Variants in MTHFD1L observed in about 807,000 individuals in gnomAD.
MTHFD1L encodes the protein monofunctional C1-tetrahydrofolate synthase, mitochondrial.
A neutral mutation model predicts 119.5 loss-of-function variants in MTHFD1L; 81 were observed. The observed-to-expected ratio is 0.68, with a 90% confidence interval of 0.57 to 0.82. MTHFD1L has a LOEUF of 0.82. Ranked by LOEUF, MTHFD1L falls within the 40% of genes least tolerant of loss-of-function variation. The pLI, the probability that MTHFD1L is intolerant of heterozygous loss-of-function variation, is 0.00. For synonymous variants in MTHFD1L, 430 were observed against 475.2 expected (o/e 0.90, Z 1.24); for missense variants, 1,125 against 1,253.4 (o/e 0.90, Z 1.55).
intron 12 of MTHFD1L, 143 bp downstream of exon 12, chr6:150,937,083 T>A: frequency 5.7e-6 from 6 of 1,052,040 alleles, no homozygotes; most frequent in South Asian, 3.8e-5. Context: ...TACATAGTGG[T>A]CGCCCCATGT....
At chr6:151,053,341 A>G (rs1296880741) in intron 26 of MTHFD1L, among the ~76,000 whole-genome samples, 1 of 152,204 alleles carries the variant, frequency 6.6e-6, no homozygotes, top group East Asian at 1.9e-4. Context: ...AATCACAATG[A>G]TAAGTGAAAA....
intron 20 of MTHFD1L, among the ~76,000 whole-genome samples, chr6:151,000,456 AT>A (rs1236880522): frequency 6.6e-6 from 1 of 152,206 alleles, no homozygotes; most frequent in Non-Finnish European, 1.5e-5. Context: ...AAGATATTTA[AT>A]AAAACTAAAC....
chr6:150,900,354 ATGG>A (rs1244722293), intron 7 of MTHFD1L, among the ~76,000 whole-genome samples: 2 of 152,108 alleles, frequency 1.3e-5, no homozygotes, highest in African/African-American at 4.8e-5. Flanking sequence ...CCACCAGGAC[ATGG>A]TGGTCTCCAT....
In MTHFD1L at chr6:151,057,137, T is replaced by G. The variant is rs1309057816; in HGVS notation, c.2847+20020T>G. 12 of 949,976 alleles carry G rather than the reference T, an allele frequency of 1.3e-5. 1 individual carries two copies. The South Asian group carries it at 5.8e-4, about 46-fold the overall frequency. The allele number at this position is 949,976 out of a possible 1,614,324, so 58.8% of individuals were successfully genotyped here. A position where few individuals can be genotyped will look rare whatever the true frequency, so the allele number is the denominator to read the frequency against. Reference sequence around the variant, plus strand: ...TCAGCTCTGGTAATTGTAGGCTTGCTGGACCCAGTGCCTGCCTTCTAACTG... The same window carrying G: ...TCAGCTCTGGTAATTGTAGGCTTGCGGGACCCAGTGCCTGCCTTCTAACTG... On this transcript the variant is annotated intron_variant, in intron 26 of 27. Transcript: ENST00000367321.
chr6:150,920,253 C>T (rs1706765130), intron 9 of MTHFD1L, among the ~76,000 whole-genome samples: 1 of 152,196 alleles, frequency 6.6e-6, no homozygotes, highest in Admixed American at 6.5e-5. Context: ...GTCCTCACTT[C>T]TTCAAGACAG....
intron 26 of MTHFD1L, among the ~76,000 whole-genome samples, chr6:151,044,016 G>T (rs1400302341): frequency 1.3e-5 from 2 of 152,220 alleles, no homozygotes; most frequent in African/African-American, 2.4e-5. Flanking sequence ...CATCTACAAG[G>T]AATGAAACTA....
At chr6:150,866,256 C>A in intron 1 of MTHFD1L, 2 of 1,434,014 alleles carry the variant, frequency 1.4e-6, no homozygotes, top group Non-Finnish European at 1.8e-6. Flanking sequence ...GATCCAGTAC[C>A]CGACCGGGCC....
intron 11 of MTHFD1L, among the ~76,000 whole-genome samples, chr6:150,933,989 C>T (rs1253468208): frequency 6.6e-6 from 1 of 152,196 alleles, no homozygotes; most frequent in East Asian, 1.9e-4. Context: ...TCATTACAAG[C>T]AAATGTGCTT....
intron 24 of MTHFD1L, among the ~76,000 whole-genome samples, chr6:151,028,366 C>T (rs1456216906): frequency 2.0e-5 from 3 of 152,160 alleles, no homozygotes; most frequent in Non-Finnish European, 2.9e-5. Flanking sequence ...CAAGCAGGTA[C>T]TCATGCAGCC....
chr6:150,943,153 C>A (rs564418976), intron 13 of MTHFD1L, among the ~76,000 whole-genome samples: 1 of 152,074 alleles, frequency 6.6e-6, no homozygotes, highest in East Asian at 1.9e-4. Flanking sequence ...TGGTGGCAGG[C>A]GCCTATAGTC....
intron 26 of MTHFD1L, among the ~76,000 whole-genome samples, chr6:151,070,539 C>T (rs920751708): frequency 1.3e-5 from 2 of 152,162 alleles, no homozygotes; most frequent in African/African-American, 4.8e-5. Context: ...TCTTTGAGAA[C>T]AGAGGTCAAC....
intron 7 of MTHFD1L, among the ~76,000 whole-genome samples, chr6:150,903,203 A>ATTTTTTTTTTT (rs774695918): frequency 2.3e-5 from 2 of 85,474 alleles, no homozygotes; most frequent in African/African-American, 1.0e-4. Context: ...TGGCTGCAAA[A>ATTTTTTTTTTT]TTTTTTTTTT....
At chr6:150,909,417 G>T (rs887168189) in intron 8 of MTHFD1L, among the ~76,000 whole-genome samples, 6 of 151,722 alleles carry the variant, frequency 4.0e-5, no homozygotes, top group Admixed American at 3.3e-4. Context: ...AATTTTTTTT[G>T]TTGTTGTTGA....
intron 1 of MTHFD1L, among the ~76,000 whole-genome samples, chr6:150,873,091 C>T (rs55824345): frequency 2.6e-5 from 4 of 152,094 alleles, no homozygotes; most frequent in South Asian, 4.2e-4. Flanking sequence ...CCTAGGTGGG[C>T]GGATCACGAG....
chr6:151,023,705 T>C (rs1488832955), intron 24 of MTHFD1L, among the ~76,000 whole-genome samples: 1 of 152,230 alleles, frequency 6.6e-6, no homozygotes, highest in African/African-American at 2.4e-5. Flanking sequence ...TGTAGTGTCA[T>C]TGAAAGCTTT....
intron 1 of MTHFD1L, among the ~76,000 whole-genome samples, chr6:150,867,209 A>G (rs1360008703): frequency 8.6e-5 from 13 of 151,994 alleles, no homozygotes; most frequent in Non-Finnish European, 1.9e-4. Flanking sequence ...TTTTTCTTTT[A>G]GAAATGGAGT....
rs1792637816 is a variant in MTHFD1L at position 151,077,411 on chromosome 6, G to C, written c.2848-15056G>C. Reference sequence around the variant, plus strand: ...TAATCCCAGCACTTTGGGAGGCCAAGGCAGGTGAATCACCTGAGGTCAGGA... The same window carrying C: ...TAATCCCAGCACTTTGGGAGGCCAACGCAGGTGAATCACCTGAGGTCAGGA... On this transcript the variant is annotated intron_variant, in intron 26 of 27. Coordinates refer to ENST00000367321, the MANE Select transcript of MTHFD1L (RefSeq NM_015440.5). 2.6e-5 allele frequency among the ~76,000 whole-genome samples: 4 copies of C among 152,332 alleles called. No homozygotes were observed. The South Asian group carries it at 8.3e-4, about 32-fold the overall frequency.
At chr6:150,932,690 C>T (rs1297066251) in intron 11 of MTHFD1L, among the ~76,000 whole-genome samples, 1 of 151,742 alleles carries the variant, frequency 6.6e-6, no homozygotes, top group Non-Finnish European at 1.5e-5. Context: ...ATTGCTTGAA[C>T]CTGGGAGGCA....
At chr6:151,052,489 C>T (rs1012386804) in intron 26 of MTHFD1L, among the ~76,000 whole-genome samples, 4 of 152,154 alleles carry the variant, frequency 2.6e-5, no homozygotes, top group African/African-American at 9.7e-5. Context: ...ATGGTTGCTT[C>T]TCTACCCAGG....
Sources: gnomAD v4.1 joint callset for allele counts (sites outside exome capture counted in the v4.1 genomes callset) on GRCh38, gnomAD v4.1.1 for gene constraint, MANE v1.5 for transcripts, NCBI Gene and HGNC (gene_info 2026-07-23, HGNC 2026-07-21) for gene names.